Variants in ZNF331 observed in about 807,000 individuals in gnomAD.
ZNF331 encodes the protein C2H2-like zinc finger protein rearranged in thyroid adenomas.
In ZNF331, 2 loss-of-function variants were observed where a neutral mutation model predicts 7.0. The observed-to-expected ratio is 0.29, with a 90% CI of 0.12 to 0.90. ZNF331 has a LOEUF of 0.90. ZNF331 is among the 40% of genes least tolerant of loss of function. The pLI is 0.58. For missense variants in ZNF331, 432 were observed against 587.7 expected (o/e 0.74, Z 2.74); for synonymous variants, 196 against 205.4 (o/e 0.95, Z 0.39).
chr19:53,505,310 T>C, the ZNF331 span, among the ~76,000 whole-genome samples: 2 of 152,044 alleles, frequency 1.3e-5, no homozygotes, highest in African/African-American at 2.4e-5. Context: ...TGTTTTTAGA[T>C]GGAATCTCAC....
intron 2 of ZNF331, among the ~76,000 whole-genome samples, chr19:53,525,061 G>T (rs1174870423): frequency 6.6e-6 from 1 of 152,136 alleles, no homozygotes; most frequent in South Asian, 2.1e-4. Flanking sequence ...GTTTGTCAAA[G>T]ATCAGATGGT....
At chr19:53,519,740 G>A (rs1030798160), upstream of ZNF331, among the ~76,000 whole-genome samples, 1 of 152,170 alleles carries the variant, frequency 6.6e-6, no homozygotes, top group Non-Finnish European at 1.5e-5. Flanking sequence ...TGCCCTTACA[G>A]AGAGAGCCTT....
chr19:53,506,486 G>GTC, the ZNF331 span, among the ~76,000 whole-genome samples: 462 of 68,606 alleles, frequency 6.7e-3, 4 homozygotes, highest in East Asian at 0.02. Context: ...CTCTCTGTCT[G>GTC]TCTCTCTCTC....
chr19:53,544,917 A>G (rs1176902486), intron 2 of ZNF331, among the ~76,000 whole-genome samples: 1 of 152,008 alleles, frequency 6.6e-6, no homozygotes, highest in East Asian at 1.9e-4. Flanking sequence ...TATTTTTAGT[A>G]GAGACGGGGT....
chr19:53,534,674 T>A (rs1209545494), upstream of ZNF331, among the ~76,000 whole-genome samples: 1 of 152,204 alleles, frequency 6.6e-6, no homozygotes, highest in East Asian at 1.9e-4. Flanking sequence ...CACATGTTTC[T>A]CTTCTTCAGA....
At chr19:53,553,650 A>G (rs1463459724) in intron 2 of ZNF331, among the ~76,000 whole-genome samples, 1 of 152,236 alleles carries the variant, frequency 6.6e-6, no homozygotes, top group East Asian at 1.9e-4. Flanking sequence ...TGACATTAGT[A>G]CTTGGAATGA....
In ZNF331 at chr19:53,577,609, C is replaced by T. The variant is rs747963729; in HGVS notation, c.1049C>T (p.Thr350Met). 7 of 1,613,408 alleles carry T rather than the reference C, an allele frequency of 4.3e-6. No individual in the cohort carries two copies. Among genetic ancestry groups the T allele is most frequent in the East Asian group, 2.2e-5 (1 of 44,804 alleles). The stretch of plus-strand genomic sequence containing the variant: ...CTCGTTAAGCACGAGAGGATACATA[C>T]GGGCGAGAAGCCGTACAAGTGCACA... ...SSLVKHERIH[T>M]GEKPYKCTEC... Residue 350 changes from threonine to methionine, a missense_variant, in exon 6 of 6, where the codon ACG becomes ATG. Physicochemically the swap from Thr to Met is moderately conservative, Grantham distance 81. Transcript: ENST00000449416.
intron 2 of ZNF331, among the ~76,000 whole-genome samples, chr19:53,544,346 C>T (rs532893051): frequency 6.6e-5 from 10 of 151,246 alleles, no homozygotes; most frequent in South Asian, 2.1e-4. Flanking sequence ...GAGATGGAGA[C>T]CATCCTGGCT....
intron 2 of ZNF331, among the ~76,000 whole-genome samples, chr19:53,546,568 A>G (rs1207383496): frequency 6.6e-6 from 1 of 151,010 alleles, no homozygotes; most frequent in Non-Finnish European, 1.5e-5. Context: ...ACTCCCTCCT[A>G]GAGGTTCATG....
chr19:53,528,265 A>G (rs1195017328), intron 2 of ZNF331, among the ~76,000 whole-genome samples: 14 of 152,218 alleles, frequency 9.2e-5, no homozygotes, highest in Non-Finnish European at 1.5e-5. Context: ...CATGCTTAAC[A>G]TCAGGCTTGG....
rs142196434 is a variant in ZNF331 at position 53,576,802 on chromosome 19, G to T, written c.242G>T (p.Arg81Leu). 6.2e-7 allele frequency: 1 copy of T among 1,614,010 alleles called. No individual in the cohort carries two copies. The highest frequency in any genetic ancestry group is 1.3e-5 in the African/African-American group (1 of 74,906). ...NSDRRSKSLG[R>L]NWICEGTLER... ...GATAGAAGAAGTAAATCCCTTGGCC[G>T]TAACTGGATATGTGAAGGTACGCTT... Residue 81 changes from arginine to leucine, a missense_variant, in exon 6 of 6, where the codon CGT becomes CTT. This residue lies in a region of ZNF331 where 81 missense variants were observed against 70.3 expected (regional missense o/e 1.15). Coordinates refer to ENST00000449416, the MANE Select transcript of ZNF331 (RefSeq NM_001079906.2).
chr19:53,565,273 C>G (rs186709282), intron 3 of ZNF331, among the ~76,000 whole-genome samples: 1 of 152,210 alleles, frequency 6.6e-6, no homozygotes, highest in African/African-American at 2.4e-5. Context: ...ACTGATAATT[C>G]ATGACCAGGT....
chr19:53,506,349 AAAAG>A, the ZNF331 span, among the ~76,000 whole-genome samples: 5 of 149,870 alleles, frequency 3.3e-5, no homozygotes, highest in East Asian at 5.9e-4. Flanking sequence ...AAAAAAAAAA[AAAAG>A]AAAAGAATCA....
chr19:53,576,058 C>T (rs968191766), intron 5 of ZNF331, among the ~76,000 whole-genome samples: 2 of 152,034 alleles, frequency 1.3e-5, no homozygotes, highest in Admixed American at 6.6e-5. Flanking sequence ...GATCTCGGCT[C>T]ACTGCAACCT....
At chr19:53,514,619 C>T (rs1600158443), upstream of ZNF331, among the ~76,000 whole-genome samples, 1 of 151,602 alleles carries the variant, frequency 6.6e-6, no homozygotes, top group South Asian at 2.1e-4. Flanking sequence ...CCGCCCCAGG[C>T]ATAGTTGCTT....
rs555867781 is a variant in ZNF331 at position 53,528,543 on chromosome 19, C to T, written c.-205+5859C>T. 7.2e-4 allele frequency among the ~76,000 whole-genome samples: 109 copies of T among 152,270 alleles called. 1 individual carries two copies. The highest frequency in any genetic ancestry group is 1.2e-3 in the Admixed American group (19 of 15,288). On this transcript the variant is annotated intron_variant, in intron 2 of 6. Transcript: ENST00000253144. ...TTCACCAGTGAGGAAAAAGACACTG[C>T]GAGGTTAGTAACTGTCAGAGTTCAG...
intron 2 of ZNF331, among the ~76,000 whole-genome samples, chr19:53,547,299 G>A (rs1203734443): frequency 6.6e-6 from 1 of 152,130 alleles, no homozygotes; most frequent in Non-Finnish European, 1.5e-5. Flanking sequence ...GGATTTGTCT[G>A]TCTAGCTTAT....
rs758489447 is a variant in ZNF331, at chr19:53,560,707, T to C, written c.-74+4799T>C. Among the ~76,000 whole-genome samples, 2 of 152,118 alleles carry C rather than the reference T, an allele frequency of 1.3e-5. No homozygotes were observed. Among genetic ancestry groups the C allele is most frequent in the African/African-American group, 4.8e-5 (2 of 41,430 alleles). On this transcript the variant is annotated intron_variant, in intron 3 of 5. Coordinates refer to ENST00000449416, the MANE Select transcript of ZNF331 (RefSeq NM_001079906.2). The surrounding 1 kb of genome is among the most constrained non-coding windows in gnomAD (Gnocchi z 4.3). ...GGCTTCTAGACGCCGCCCACACTCC[T>C]TAGTTCGTGACCCCTTCTTCCATCA...
chr19:53,554,038 C>G (rs1316370203), intron 2 of ZNF331, among the ~76,000 whole-genome samples: 1 of 152,232 alleles, frequency 6.6e-6, no homozygotes, highest in Non-Finnish European at 1.5e-5. Context: ...CATGCTGGGA[C>G]ACGGGGCTTG....
Sources: gnomAD v4.1 joint callset for allele counts (sites outside exome capture counted in the v4.1 genomes callset) on GRCh38, gnomAD v4.1.1 for gene constraint, gnomAD v4.1.1 regional missense constraint, Gnocchi (gnomAD v3.1) non-coding constraint, MANE v1.5 for transcripts, NCBI Gene and HGNC (gene_info 2026-07-23, HGNC 2026-07-21) for gene names.